ESRRB: variants seen among roughly 807,000 people sequenced by gnomAD.
ESRRB encodes estrogen related receptor beta.
In ESRRB, 16 loss-of-function variants were observed where a neutral mutation model predicts 46.0. The observed-to-expected ratio is 0.35, with a 90% CI of 0.24 to 0.53. The LOEUF (loss-of-function observed/expected upper bound fraction) is 0.53. Among genes scored for constraint, ESRRB ranks in the 20% least tolerant of loss-of-function variants. The pLI is 0.93. For missense variants in ESRRB, 488 were observed against 607.4 expected (o/e 0.80, Z 2.07); for synonymous variants, 246 against 259.6 (o/e 0.95, Z 0.50).
At chr14:76,324,967 T>C (rs1436417750) in intron 1 of ESRRB, among the ~76,000 whole-genome samples, 3 of 103,856 alleles carry the variant, frequency 2.9e-5, no homozygotes, top group Non-Finnish European at 4.4e-5. Flanking sequence ...CTTTTTCTTT[T>C]TTTTTTTTTT....
At chr14:76,384,158 CTTACTT>C (rs1297181354) in intron 1 of ESRRB, among the ~76,000 whole-genome samples, 2 of 152,132 alleles carry the variant, frequency 1.3e-5, no homozygotes, top group African/African-American at 2.4e-5. Flanking sequence ...TATTTATCCT[CTTACTT>C]TTAGCTTCAC....
chr14:76,463,387 T>C (rs1888956645), intron 3 of ESRRB: 1 of 152,046 alleles, frequency 6.6e-6, no homozygotes, highest in Non-Finnish European at 1.5e-5. Context: ...GCAGAAAGGC[T>C]AATCTTCTGG....
intron 5 of ESRRB, among the ~76,000 whole-genome samples, chr14:76,488,748 C>G (rs73320335): frequency 6.6e-6 from 1 of 152,174 alleles, no homozygotes. Flanking sequence ...GCCCTCACCA[C>G]CCTGCTTGAC....
Position 76,451,198 on chromosome 14 carries a change from C to A in ESRRB, c.461-11347C>A, listed in dbSNP as rs193190590. Among the ~76,000 whole-genome samples the A allele has an allele frequency of 1.0e-3, 158 of 152,244 alleles. 1 individual carries two copies. The highest frequency in any genetic ancestry group is 1.9e-3 in the Non-Finnish European group (127 of 68,024). ...CAGCATGGCACTGGAGTGCACCAGGCTTCACAGGTCATGGTAAGGAACAGT... is the reference window on the plus strand; with the variant it reads ...CAGCATGGCACTGGAGTGCACCAGGATTCACAGGTCATGGTAAGGAACAGT... On this transcript the variant is annotated intron_variant, in intron 2 of 6. Coordinates refer to ENST00000644823, the MANE Select transcript of ESRRB (RefSeq NM_001379180.1).
At chr14:76,478,600 T>C (rs547034417) in intron 3 of ESRRB, among the ~76,000 whole-genome samples, 2 of 152,060 alleles carry the variant, frequency 1.3e-5, no homozygotes, top group East Asian at 1.9e-4. Flanking sequence ...ATGTTTAAGA[T>C]CCTGGCATAT....
At chr14:76,447,344 A>G (rs1386837884) in intron 2 of ESRRB, among the ~76,000 whole-genome samples, 1 of 149,398 alleles carries the variant, frequency 6.7e-6, no homozygotes, top group African/African-American at 2.5e-5. Flanking sequence ...CCAATCTTGT[A>G]AAATATATAT....
At chr14:76,386,928 C>A (rs1013355575) in intron 1 of ESRRB, among the ~76,000 whole-genome samples, 1 of 152,112 alleles carries the variant, frequency 6.6e-6, no homozygotes, top group Non-Finnish European at 1.5e-5. Context: ...TTTTTGGGAA[C>A]CTGTCTGTGC....
intron 1 of ESRRB, among the ~76,000 whole-genome samples, chr14:76,335,756 G>A (rs1884119509): frequency 6.6e-6 from 1 of 152,118 alleles, no homozygotes; most frequent in Non-Finnish European, 1.5e-5. Flanking sequence ...TCCTAAGTTG[G>A]ACTTTTACCT....
chr14:76,393,107 T>C (rs1318356808), intron 1 of ESRRB, among the ~76,000 whole-genome samples: 1 of 152,234 alleles, frequency 6.6e-6, no homozygotes, highest in East Asian at 1.9e-4. Flanking sequence ...TAAGGTGCTG[T>C]AGCCAGGATC....
At chr14:76,416,618 C>T (rs998221065) in intron 1 of ESRRB, among the ~76,000 whole-genome samples, 1 of 152,032 alleles carries the variant, frequency 6.6e-6, no homozygotes, top group African/African-American at 2.4e-5. Context: ...TACAGATACC[C>T]ACCACCACAC....
intron 1 of ESRRB, among the ~76,000 whole-genome samples, chr14:76,410,774 C>CT (rs1220032711): frequency 7.9e-5 from 12 of 151,904 alleles, no homozygotes; most frequent in African/African-American, 2.2e-4. Flanking sequence ...CTCTTTTCTT[C>CT]TTATTTTTTT....
chr14:76,353,810 T>A (rs1242303049), intron 1 of ESRRB, among the ~76,000 whole-genome samples: 2 of 151,320 alleles, frequency 1.3e-5, no homozygotes, highest in Non-Finnish European at 2.9e-5. Flanking sequence ...ACAAAAAAAT[T>A]AAAAATTATC....
In ESRRB at chr14:76,376,916, G is replaced by A. The variant is rs948843461; in HGVS notation, c.50+465G>A. Among the ~76,000 whole-genome samples, 7 of 152,206 alleles carry A rather than the reference G, an allele frequency of 4.6e-5. No individual in the cohort carries two copies. The highest frequency in any genetic ancestry group is 8.8e-5 in the Non-Finnish European group (6 of 68,032). On this transcript the variant is annotated intron_variant, in intron 1 of 6. Transcript: ENST00000644823. This position sits in a 1 kb window ranked among gnomAD's most constrained non-coding sequence, Gnocchi z 4.1. Reference sequence around the variant, plus strand: ...GACCAAAAATGATCCCGGCAAGAGAGAGAAAATCGAACGTGCCGCGGCGGT... The same window carrying A: ...GACCAAAAATGATCCCGGCAAGAGAAAGAAAATCGAACGTGCCGCGGCGGT...
Position 76,472,473 on chromosome 14 carries a change from C to T in ESRRB, c.578-9543C>T, listed in dbSNP as rs537622908. On this transcript the variant is annotated intron_variant, in intron 3 of 6. Transcript: ENST00000644823. ...TTAGGTGTCATGTATGTCTGTTTAG[C>T]TACAAGGCTCTCTCTCTTAGCTTTT... 4.5e-4 allele frequency among the ~76,000 whole-genome samples: 68 copies of T among 152,328 alleles called. 1 individual carries two copies. Among genetic ancestry groups the T allele is most frequent in the African/African-American group, 1.6e-3 (65 of 41,584 alleles).
intron 1 of ESRRB, among the ~76,000 whole-genome samples, chr14:76,359,896 A>T (rs1212858212): frequency 1.3e-5 from 2 of 152,194 alleles, no homozygotes; most frequent in Non-Finnish European, 2.9e-5. Flanking sequence ...GACACAGCAG[A>T]AGCCCCAAAG....
chr14:76,474,772 G>A (rs1419615451), intron 3 of ESRRB, among the ~76,000 whole-genome samples: 3 of 151,936 alleles, frequency 2.0e-5, no homozygotes, highest in Non-Finnish European at 2.9e-5. Flanking sequence ...GTCCAGGATC[G>A]TGCCACTGCA....
chr14:76,361,900 C>T (rs1446463506), intron 1 of ESRRB, among the ~76,000 whole-genome samples: 1 of 152,192 alleles, frequency 6.6e-6, no homozygotes, highest in Non-Finnish European at 1.5e-5. Flanking sequence ...ATGTTTGGTC[C>T]TCCAGGCTCT....
chr14:76,423,464 G>A (rs1207005650), intron 1 of ESRRB, among the ~76,000 whole-genome samples: 1 of 152,154 alleles, frequency 6.6e-6, no homozygotes, highest in Non-Finnish European at 1.5e-5. Flanking sequence ...CTTTAAACCA[G>A]GATGATCAGA....
Position 76,313,011 on chromosome 14 carries a change from A to G in ESRRB, c.2+2095A>G, listed in dbSNP as rs139695183. ...GGGAGAGAGTCCCGCATTCCTGAGC[A>G]AGTCCTGTGTTCTCAGAGCCTTAAT... On this transcript the variant is annotated intron_variant, in intron 1 of 6. Coordinates refer to the ESRRB transcript ENST00000512784. Among the ~76,000 whole-genome samples, 713 of 152,298 alleles carry G rather than the reference A, an allele frequency of 4.7e-3. 5 individuals carry two copies. The highest frequency in any genetic ancestry group is 0.017 in the African/African-American group (694 of 41,560).
Sources: allele counts gnomAD v4.1 joint callset (sites outside exome capture counted in the v4.1 genomes callset), GRCh38; gene constraint gnomAD v4.1.1; non-coding constraint Gnocchi (gnomAD v3.1); transcripts MANE v1.5; gene names NCBI Gene and HGNC (gene_info 2026-07-23, HGNC 2026-07-21).